Variants in LRRC74B observed in about 807,000 individuals in gnomAD.
LRRC74B encodes leucine-rich repeat-containing protein 74B.
LRRC74B carries 30 observed loss-of-function variants against 16.6 expected under a neutral mutation model. That is an observed-to-expected ratio of 1.80 (90% confidence interval 1.35 to 2.45). LRRC74B has a LOEUF of 2.45. LRRC74B is among the 30% of genes most tolerant of loss of function. The pLI, the probability that LRRC74B is intolerant of heterozygous loss-of-function variation, is 0.00. For missense variants in LRRC74B, 326 were observed against 202.4 expected (o/e 1.61, Z -3.71); for synonymous variants, 134 against 86.0 (o/e 1.56, Z -3.09).
At chr22:21,061,312 C>G (rs1053889225), downstream of LRRC74B, among the ~76,000 whole-genome samples, 2 of 150,602 alleles carry the variant, frequency 1.3e-5, no homozygotes, top group African/African-American at 4.9e-5. Flanking sequence ...GAGCAAAACT[C>G]TGTCTCAAAA....
intron 5 of LRRC74B, 60 bp downstream of exon 5, chr22:21,052,418 G>T (rs1382922671): frequency 5.6e-6 from 4 of 712,106 alleles, no homozygotes; most frequent in East Asian, 5.4e-5. Flanking sequence ...TCTCCCAGGG[G>T]CCACCTCCCT....
chr22:21,051,986 C>A (rs1930099627), intron 4 of LRRC74B, among the ~76,000 whole-genome samples: 1 of 152,220 alleles, frequency 6.6e-6, no homozygotes, highest in Non-Finnish European at 1.5e-5. Flanking sequence ...TGTCCTCTTT[C>A]CTGACTTCCC....
downstream of LRRC74B, among the ~76,000 whole-genome samples, chr22:21,061,195 C>T (rs181313316): frequency 9.6e-4 from 146 of 152,152 alleles, no homozygotes; most frequent in African/African-American, 3.2e-3. Flanking sequence ...GGCATGATGG[C>T]GCACACCTGT....
chr22:21,048,069 G>C, intron 3 of LRRC74B, 53 bp downstream of exon 3: 1 of 714,118 alleles, frequency 1.4e-6, no homozygotes, highest in Non-Finnish European at 2.6e-6. Context: ...TTTCCTCAGG[G>C]ATGTGCCTCC....
chr22:21,046,631 A>C (rs949195187), intron 1 of LRRC74B, among the ~76,000 whole-genome samples: 1 of 151,742 alleles, frequency 6.6e-6, no homozygotes, highest in African/African-American at 2.4e-5. Flanking sequence ...TAAATATATA[A>C]ATAAATTATT....
Position 21,057,282 on chromosome 22 carries a change from G to T in LRRC74B, c.1023+82G>T, listed in dbSNP as rs550524859. The stretch of plus-strand genomic sequence containing the variant: ...ATAATTTTAGAAGAAGAAAGTGAGG[G>T]TTACAGAAATCAAGAGCCCTGCCCA... On this transcript the variant is annotated intron_variant, in intron 8 of 8. Coordinates refer to ENST00000442047, the Ensembl canonical transcript of LRRC74B. 2.1e-5 allele frequency: 14 copies of T among 679,944 alleles called. No individual in the cohort carries two copies. In the Admixed American group the frequency reaches 2.7e-4, roughly 13 times the overall value. The allele number at this position is 679,944 out of a possible 1,614,324, so 42.1% of individuals were successfully genotyped here. A position where few individuals can be genotyped will look rare whatever the true frequency, so the allele number is the denominator to read the frequency against.
chr22:21,061,242 G>A (rs1376731015), downstream of LRRC74B, among the ~76,000 whole-genome samples: 14 of 152,084 alleles, frequency 9.2e-5, no homozygotes, highest in Admixed American at 5.2e-4. Flanking sequence ...CAGGAGAATT[G>A]CTTGAATCCT....
At chr22:21,059,095 T>C (rs1050836513) in intron 8 of LRRC74B, among the ~76,000 whole-genome samples, 16 of 151,930 alleles carry the variant, frequency 1.1e-4, no homozygotes, top group Non-Finnish European at 1.5e-4. Flanking sequence ...TTACTAATAA[T>C]ACAAAAATTT....
chr22:21,050,738 A>G (rs143656302), intron 4 of LRRC74B, among the ~76,000 whole-genome samples: 1 of 147,516 alleles, frequency 6.8e-6, no homozygotes, highest in East Asian at 2.1e-4. Context: ...AGATAGCACC[A>G]CTGCAGTCCG....
At chr22:21,055,710 G>A (rs950429596) in intron 7 of LRRC74B, among the ~76,000 whole-genome samples, 1 of 152,148 alleles carries the variant, frequency 6.6e-6, no homozygotes, top group Admixed American at 6.5e-5. Context: ...TGCCAGCTGG[G>A]TATGGACATC....
upstream of LRRC74B, chr22:21,045,963 T>C (rs768816328): frequency 5.9e-5 from 42 of 716,714 alleles, no homozygotes; most frequent in Non-Finnish European, 1.0e-4. Flanking sequence ...ACTCAGTGTC[T>C]GAGACTGCGA....
At chr22:21,046,848 T>G (rs917967082) in intron 1 of LRRC74B, among the ~76,000 whole-genome samples, 1 of 151,908 alleles carries the variant, frequency 6.6e-6, no homozygotes, top group Non-Finnish European at 1.5e-5. Context: ...TCACAGCACT[T>G]TGGGAGGCCC....
rs1309861347 is a variant in LRRC74B at position 21,048,841 on chromosome 22, A to G, written c.416-110A>G. On this transcript the variant is annotated intron_variant, in intron 3 of 8. Coordinates refer to ENST00000442047, the Ensembl canonical transcript of LRRC74B. The stretch of plus-strand genomic sequence containing the variant: ...CCACCATGCAACCCCAGGACAGTTA[A>G]CCTGTAAGTCCCCTTCCTCAGCCTC... 4.6e-6 allele frequency: 3 copies of G among 645,514 alleles called. No individual in the cohort carries two copies. The African/African-American group carries it at 5.4e-5, about 12-fold the overall frequency. The allele number at this position is 645,514 out of a possible 1,614,324, so 40.0% of individuals were successfully genotyped here. A position where few individuals can be genotyped will look rare whatever the true frequency, so the allele number is the denominator to read the frequency against.
intron 1 of LRRC74B, among the ~76,000 whole-genome samples, chr22:21,046,817 TG>T (rs1335182873): frequency 1.3e-5 from 2 of 151,760 alleles, no homozygotes; most frequent in African/African-American, 4.8e-5. Context: ...TTTGGCTGGG[TG>T]GGGTGGCTCA....
downstream of LRRC74B, among the ~76,000 whole-genome samples, chr22:21,061,333 T>C (rs1601825797): frequency 6.6e-6 from 1 of 150,540 alleles, no homozygotes; most frequent in Admixed American, 6.6e-5. Context: ...AAAAAAAAGA[T>C]GCCCATGGAA....
At chr22:21,059,597 A>G (rs1453051861) in intron 8 of LRRC74B, among the ~76,000 whole-genome samples, 1 of 152,226 alleles carries the variant, frequency 6.6e-6, no homozygotes, top group Non-Finnish European at 1.5e-5. Context: ...AAGAAAAACA[A>G]TTAGCCTGAA....
intron 7 of LRRC74B, chr22:21,056,596 GCACACACACACACACACACACACA>G (rs747195504): frequency 2.1e-5 from 3 of 140,228 alleles, no homozygotes. Flanking sequence ...CAAGCTTGGA[GCACACACACACACACACACACACA>G]CACACACACA....
chr22:21,058,047 G>A (rs910669113), intron 8 of LRRC74B, among the ~76,000 whole-genome samples: 3 of 146,014 alleles, frequency 2.1e-5, no homozygotes, highest in Non-Finnish European at 4.5e-5. Context: ...CACCACGCCC[G>A]GCTGATTTTT....
intron 1 of LRRC74B, among the ~76,000 whole-genome samples, chr22:21,046,731 T>C (rs902018802): frequency 6.6e-6 from 1 of 152,026 alleles, no homozygotes; most frequent in Non-Finnish European, 1.5e-5. Context: ...CTCTGCACTC[T>C]AGTGAGCCTT....
Sources: allele counts gnomAD v4.1 joint callset (sites outside exome capture counted in the v4.1 genomes callset), GRCh38; gene constraint gnomAD v4.1.1; transcripts MANE v1.5; gene names NCBI Gene and HGNC (gene_info 2026-07-23, HGNC 2026-07-21).